The following ARHGAP23 variants were observed in gnomAD, a reference collection of about 807,000 sequenced individuals.
ARHGAP23 encodes the protein rho GTPase-activating protein 23.
In ARHGAP23, 34 loss-of-function variants were observed where a neutral mutation model predicts 136.3. That is an observed-to-expected ratio of 0.25 (90% CI 0.19 to 0.33). ARHGAP23 has a LOEUF of 0.33. Among genes scored for constraint, ARHGAP23 ranks in the 10% least tolerant of loss-of-function variants. The pLI, the probability that ARHGAP23 is intolerant of heterozygous loss-of-function variation, is 1.00. For missense variants in ARHGAP23, 1,808 were observed against 2,139.0 expected (o/e 0.85, Z 3.05); for synonymous variants, 832 against 920.5 (o/e 0.90, Z 1.74).
At chr17:38,469,366 G>T (rs2144661852) in intron 8 of ARHGAP23, 67 bp downstream of exon 8, 20 of 1,496,752 alleles carry the variant, frequency 1.3e-5, no homozygotes, top group Non-Finnish European at 1.7e-5. Flanking sequence ...GTCTCTGTTG[G>T]GCCTGCTGCT....
chr17:38,510,239 C>G lies in ARHGAP23; in HGVS notation c.3743C>G (p.Ser1248Trp). ...GCCGCGGACACGCGCTCCATTGTGT[C>G]GGGCTACTCCACCCTGTCCACCATG... ...RPAADTRSIV[S>W]GYSTLSTMDR... The change falls in exon 24 of 24, where the codon TCG becomes TGG. Residue 1248 changes from serine to tryptophan, a missense_variant. Ser to Trp is a radical substitution (Grantham distance 177). Transcript: ENST00000622683. This position sits in a 1 kb window ranked among gnomAD's most constrained non-coding sequence, Gnocchi z 4.6. The G allele has an allele frequency of 7.2e-7, 1 of 1,382,052 alleles. No homozygotes were observed. Among genetic ancestry groups the G allele is most frequent in the South Asian group, 1.7e-5 (1 of 58,606 alleles). 85.6% of individuals were successfully genotyped at this position (1,382,052 alleles called of 1,614,324 possible).
Position 38,438,267 on chromosome 17 carries a change from G to A in ARHGAP23, c.63+9719G>A, listed in dbSNP as rs2038846876. Among the ~76,000 whole-genome samples the A allele has an allele frequency of 1.4e-5, 2 of 142,382 alleles. 1 individual carries two copies. The highest frequency in any genetic ancestry group is 4.4e-4 in the South Asian group (2 of 4,568). 93.4% of individuals were successfully genotyped at this position (142,382 alleles called of 152,430 possible). ...ACCTGGGAGGTGGAAGTTGCAGCGAGCCAAGATCATGCCACTGCACACTCC... is the reference window on the plus strand; with the variant it reads ...ACCTGGGAGGTGGAAGTTGCAGCGAACCAAGATCATGCCACTGCACACTCC... On this transcript the variant is annotated intron_variant, in intron 1 of 23. Coordinates refer to ENST00000622683, the MANE Select transcript of ARHGAP23 (RefSeq NM_001199417.2).
intron 1 of ARHGAP23, among the ~76,000 whole-genome samples, chr17:38,456,249 C>G (rs12937798): frequency 0.12 from 17,511 of 152,186 alleles, 1,115 homozygotes; most frequent in Middle Eastern, 0.26. Context: ...TCGACAGCAG[C>G]CAGGCTCTCC....
At chr17:38,501,038 A>G (rs1487740591) in intron 23 of ARHGAP23, 6 of 174,770 alleles carry the variant, frequency 3.4e-5, no homozygotes, top group Admixed American at 6.1e-5. Flanking sequence ...GTGGGGTGCT[A>G]TAATAAATAA....
chr17:38,425,324 T>A (rs1014640484), upstream of ARHGAP23, among the ~76,000 whole-genome samples: 1 of 152,158 alleles, frequency 6.6e-6, no homozygotes, highest in African/African-American at 2.4e-5. Context: ...GAGTGCCTTT[T>A]TCCCTATTCC....
At chr17:38,468,570 T>TC (rs2144658271) in intron 7 of ARHGAP23, among the ~76,000 whole-genome samples, 1 of 152,066 alleles carries the variant, frequency 6.6e-6, no homozygotes, top group African/African-American at 2.4e-5. Flanking sequence ...CAGCCCTGGC[T>TC]CCCCCAGCCA....
upstream of ARHGAP23, among the ~76,000 whole-genome samples, chr17:38,427,563 G>T (rs759885779): frequency 6.6e-6 from 1 of 152,218 alleles, no homozygotes; most frequent in African/African-American, 2.4e-5. Context: ...AAAGAAGCTG[G>T]CTCAGGACCA....
chr17:38,487,148 G>C (rs2040178340), intron 17 of ARHGAP23, among the ~76,000 whole-genome samples: 1 of 152,212 alleles, frequency 6.6e-6, no homozygotes, highest in Non-Finnish European at 1.5e-5. Context: ...GTGTGAGCGG[G>C]CTCCAGCACA....
chr17:38,442,308 C>G (rs1487894447), intron 1 of ARHGAP23, among the ~76,000 whole-genome samples: 1 of 152,124 alleles, frequency 6.6e-6, no homozygotes, highest in Non-Finnish European at 1.5e-5. Flanking sequence ...CTGGTTCCCT[C>G]TGAGGAAGGG....
intron 1 of ARHGAP23, among the ~76,000 whole-genome samples, chr17:38,435,411 G>A (rs187776159): frequency 1.3e-5 from 2 of 152,198 alleles, no homozygotes; most frequent in East Asian, 1.9e-4. Context: ...AGGAAGGAGT[G>A]GTTCCTGCTG....
chr17:38,462,257 T>C (rs1353435706), intron 3 of ARHGAP23, among the ~76,000 whole-genome samples: 26 of 134,704 alleles, frequency 1.9e-4, no homozygotes, highest in East Asian at 1.3e-3. Context: ...CTTTTTTTTT[T>C]TTTTTTTTTT....
chr17:38,491,912 G>A (rs2040287987), intron 20 of ARHGAP23, among the ~76,000 whole-genome samples: 1 of 152,194 alleles, frequency 6.6e-6, no homozygotes, highest in Non-Finnish European at 1.5e-5. Context: ...AGCAGACGGG[G>A]GCCAAGGTCT....
At chr17:38,447,961 T>C (rs1567782304) in intron 1 of ARHGAP23, among the ~76,000 whole-genome samples, 1 of 152,202 alleles carries the variant, frequency 6.6e-6, no homozygotes, top group Non-Finnish European at 1.5e-5. Context: ...CTTCCTCTGT[T>C]GTCCCTGAGG....
Position 38,477,030 on chromosome 17 carries a change from C to T in ARHGAP23, c.2119-549C>T, listed in dbSNP as rs942349920. On this transcript the variant is annotated intron_variant, in intron 11 of 23. Coordinates refer to ENST00000622683, the MANE Select transcript of ARHGAP23 (RefSeq NM_001199417.2). This position sits in a 1 kb window ranked among gnomAD's most constrained non-coding sequence, Gnocchi z 6.6. ...AGGAGGGGCTGGCTGTGTCAGATGC[C>T]GCTGAGGGGTTAAGGCAAGTTGGGG... Among the ~76,000 whole-genome samples the T allele has an allele frequency of 3.9e-5, 6 of 152,016 alleles. No individual in the cohort carries two copies. The highest frequency in any genetic ancestry group is 1.2e-4 in the African/African-American group (5 of 41,374).
At chr17:38,425,657 G>A (rs1246067429), upstream of ARHGAP23, among the ~76,000 whole-genome samples, 1 of 152,178 alleles carries the variant, frequency 6.6e-6, no homozygotes, top group Non-Finnish European at 1.5e-5. Context: ...CCCATGTTGG[G>A]CTCTATGGCT....
intron 17 of ARHGAP23, among the ~76,000 whole-genome samples, chr17:38,487,791 G>T (rs1018233468): frequency 6.6e-6 from 1 of 152,058 alleles, no homozygotes; most frequent in African/African-American, 2.4e-5. Context: ...TTGATCCCAG[G>T]AGGCAGAGGT....
At chr17:38,463,224 A>G (rs762949863) in intron 5 of ARHGAP23, 28 bp downstream of exon 5, 11 of 1,550,800 alleles carry the variant, frequency 7.1e-6, no homozygotes, top group Middle Eastern at 1.7e-4. Context: ...CTCGTCCCAT[A>G]TTATCTCCCC....
intron 1 of ARHGAP23, among the ~76,000 whole-genome samples, chr17:38,455,189 C>T (rs2039294369): frequency 6.6e-6 from 1 of 152,214 alleles, no homozygotes. Context: ...AGGAAACATG[C>T]ATGTATTATA....
At chr17:38,486,556 T>TAA (rs1567817689) in intron 17 of ARHGAP23, among the ~76,000 whole-genome samples, 4 of 141,712 alleles carry the variant, frequency 2.8e-5, no homozygotes, top group Non-Finnish European at 4.7e-5. Context: ...TTTTTTTTTT[T>TAA]AACACAAAAG....
Sources: allele counts gnomAD v4.1 joint callset (sites outside exome capture counted in the v4.1 genomes callset), GRCh38; gene constraint gnomAD v4.1.1; non-coding constraint Gnocchi (gnomAD v3.1); transcripts MANE v1.5; gene names NCBI Gene and HGNC (gene_info 2026-07-23, HGNC 2026-07-21).